Variants in ANLN observed in about 807,000 individuals in gnomAD.
The protein encoded by ANLN is anillin, actin binding protein.
Under a neutral mutation model 135.1 loss-of-function variants are expected in ANLN, and 59 were observed. That is an observed-to-expected ratio of 0.44 (90% CI 0.35 to 0.54). ANLN has a LOEUF of 0.54. Ranked by LOEUF, ANLN falls within the 20% of genes least tolerant of loss-of-function variation. ANLN has a pLI of 0.00. For synonymous variants in ANLN, 406 were observed against 456.4 expected (o/e 0.89, Z 1.41); for missense variants, 1,182 against 1,340.0 (o/e 0.88, Z 1.84).
Position 36,399,115 on chromosome 7 carries a change from G to A in ANLN, c.209G>A (p.Arg70His), listed in dbSNP as rs761828754. Residue 70 changes from arginine to histidine, a missense_variant, in exon 3 of 24, where the codon CGC becomes CAC. By Grantham distance (29) the Arg-to-His change is conservative. Coordinates refer to ENST00000265748, the MANE Select transcript of ANLN (RefSeq NM_018685.5). ...SCTKPSPSKK[R>H]CSDNTEVEVS... is the part of the protein sequence containing the mutation. ...ACAAAACCATCGCCATCAAAAAAAC[G>A]CTGTTCTGACAACACTGAAGTAGAA... is the stretch of plus-strand genomic sequence containing the variant. The A allele has an allele frequency of 1.1e-5, 18 of 1,611,720 alleles. No individual in the cohort carries two copies. The highest frequency in any genetic ancestry group is 3.3e-5 in the Admixed American group (2 of 59,730).
Position 36,421,868 on chromosome 7 carries a change from C to T in ANLN, c.2175C>T (p.Asn725=), listed in dbSNP as rs771084776. 1.4e-5 allele frequency: 23 copies of T among 1,604,868 alleles called. No homozygotes were observed. Among genetic ancestry groups the T allele is most frequent in the African/African-American group, 2.7e-5 (2 of 74,406 alleles). The change falls in exon 13 of 24, where the codon AAC becomes AAT. Residue 725 remains asparagine, a synonymous_variant. Transcript: ENST00000265748. ...NIKQKMQELN[N]EINMQQTVIY... ...ATTGGTTTTCCTAGGAACTCAATAACGAAATAAATATGCAACAGACAGTGA... is the reference window on the plus strand; with the variant it reads ...ATTGGTTTTCCTAGGAACTCAATAATGAAATAAATATGCAACAGACAGTGA...
intron 4 of ANLN, 146 bp downstream of exon 4, chr7:36,406,712 C>T (rs754716172): frequency 4.9e-5 from 41 of 840,636 alleles, no homozygotes; most frequent in Non-Finnish European, 6.1e-5. Context: ...TGTAAGATAT[C>T]GGTTTCTTAG....
At chr7:36,422,556 A>G in intron 13 of ANLN, 77 bp from the exon 14 acceptor site, 1 of 1,268,544 alleles carries the variant, frequency 7.9e-7, no homozygotes, top group Non-Finnish European at 1.1e-6. Context: ...TTTCCATATC[A>G]GTACACTTTT....
intron 5 of ANLN, among the ~76,000 whole-genome samples, chr7:36,408,753 T>C (rs1008833818): frequency 4.6e-5 from 7 of 152,214 alleles, no homozygotes; most frequent in African/African-American, 1.7e-4. Flanking sequence ...GTGTATATTG[T>C]GTGTGAGCAT....
intron 19 of ANLN, among the ~76,000 whole-genome samples, chr7:36,426,257 C>T (rs1385123294): frequency 6.6e-6 from 1 of 152,168 alleles, no homozygotes; most frequent in African/African-American, 2.4e-5. Flanking sequence ...CACCAGTCAT[C>T]ATGTTATTCA....
chr7:36,417,078 A>C lies in ANLN; in HGVS notation c.1523-2A>C. The C allele has an allele frequency of 6.5e-7, 1 of 1,544,634 alleles. No individual in the cohort carries two copies. The highest frequency in any genetic ancestry group is 8.9e-7 in the Non-Finnish European group (1 of 1,129,356). On this transcript the variant is annotated splice_acceptor_variant, in intron 8 of 23. Transcript: ENST00000265748. LOFTEE classifies it high-confidence loss of function. The stretch of plus-strand genomic sequence containing the variant: ...AATATGGTCTTTCTTAAACATTTTT[A>C]GGTTTCACTGAATGCGAAATGACGA...
At chr7:36,396,648 G>A (rs1583590830) in intron 2 of ANLN, among the ~76,000 whole-genome samples, 1 of 151,998 alleles carries the variant, frequency 6.6e-6, no homozygotes, top group East Asian at 1.9e-4. Context: ...TTAATTGATT[G>A]AACTTTATTT....
Position 36,421,848 on chromosome 7 carries a change from T to G in ANLN, c.2164-9T>G. The G allele has an allele frequency of 6.3e-7, 1 of 1,590,494 alleles. No individual in the cohort carries two copies. Among genetic ancestry groups the G allele is most frequent in the South Asian group, 1.2e-5 (1 of 85,764 alleles). ...TGTATATTTTTTCTCCTCTCATTGG[T>G]TTTCCTAGGAACTCAATAACGAAAT... On this transcript the variant is annotated splice_polypyrimidine_tract_variant and intron_variant, in intron 12 of 23. Coordinates refer to ENST00000265748, the MANE Select transcript of ANLN (RefSeq NM_018685.5).
At chr7:36,397,634 C>A (rs1177302184) in intron 2 of ANLN, among the ~76,000 whole-genome samples, 1 of 152,084 alleles carries the variant, frequency 6.6e-6, no homozygotes, top group Admixed American at 6.5e-5. Flanking sequence ...AAAAAAGAGC[C>A]AAGTGTAGTG....
chr7:36,422,385 G>A (rs2116671336), intron 13 of ANLN, among the ~76,000 whole-genome samples: 1 of 152,112 alleles, frequency 6.6e-6, no homozygotes, highest in East Asian at 1.9e-4. Context: ...TGATGATGGG[G>A]CATTTTGGGG....
chr7:36,417,220 CT>C (rs781707986), intron 9 of ANLN, 30 bp downstream of exon 9: 1 of 1,214,434 alleles, frequency 8.2e-7, no homozygotes, highest in Non-Finnish European at 1.2e-6. Flanking sequence ...TTATTATTAA[CT>C]TTGCACATAC....
Position 36,399,055 on chromosome 7 carries a change from C to CT in ANLN, c.173-18dup, listed in dbSNP as rs745891770. ...TGTGAGAAATTACAAATTTGAATGT[C>CT]TTTTTTCATCGTTTTTAATGTAGAG... On this transcript the variant is annotated intron_variant, in intron 2 of 23. Coordinates refer to ENST00000265748, the MANE Select transcript of ANLN (RefSeq NM_018685.5). 2.6e-6 allele frequency: 4 copies of CT among 1,562,488 alleles called. No homozygotes were observed. In the South Asian group the frequency reaches 3.6e-5, roughly 14 times the overall value.
rs1238671871 is a variant in ANLN, at chr7:36,453,289, T to C, written c.*689T>C. 2.0e-5 allele frequency: 3 copies of C among 152,242 alleles called. No individual in the cohort carries two copies. The highest frequency in any genetic ancestry group is 4.4e-5 in the Non-Finnish European group (3 of 68,044). The allele number at this position is 152,242 out of a possible 1,614,324, so 9.4% of individuals were successfully genotyped here. On this transcript the variant is annotated 3_prime_UTR_variant, in exon 24 of 24. Transcript: ENST00000265748. Reference sequence around the variant, plus strand: ...AGTGTGGTGCACATTTTCACAGAATTCTGGCTTCATTAAGATCATTATTTT... The same window carrying C: ...AGTGTGGTGCACATTTTCACAGAATCCTGGCTTCATTAAGATCATTATTTT...
intron 11 of ANLN, 127 bp from the exon 12 acceptor site, chr7:36,420,470 C>A: frequency 8.0e-7 from 1 of 1,254,088 alleles, no homozygotes; most frequent in Non-Finnish European, 1.1e-6. Flanking sequence ...AATGAGAGTT[C>A]CATTCTGTTG....
At chr7:36,410,759 G>C in intron 6 of ANLN, 55 bp downstream of exon 6, 2 of 1,515,130 alleles carry the variant, frequency 1.3e-6, no homozygotes, top group Non-Finnish European at 1.8e-6. Flanking sequence ...ATAGAACCTA[G>C]AAATCAAAAT....
Position 36,424,041 on chromosome 7 carries a change from G to A in ANLN, c.2603+98G>A, listed in dbSNP as rs151311664. The A allele has an allele frequency of 8.8e-5, 108 of 1,226,568 alleles. 1 individual carries two copies. The East Asian group carries it at 2.0e-3, about 23-fold the overall frequency. The allele number at this position is 1,226,568 out of a possible 1,614,324, so 76.0% of individuals were successfully genotyped here. On this transcript the variant is annotated intron_variant, in intron 15 of 23. Coordinates refer to ENST00000265748, the MANE Select transcript of ANLN (RefSeq NM_018685.5). ...AGGTGGCATTTATAATCTTTGAAACGCCTTATGCACATTCTTTTTATATTG... is the reference window on the plus strand; with the variant it reads ...AGGTGGCATTTATAATCTTTGAAACACCTTATGCACATTCTTTTTATATTG...
At chr7:36,447,125 C>G (rs1453587323) in intron 22 of ANLN, among the ~76,000 whole-genome samples, 1 of 152,116 alleles carries the variant, frequency 6.6e-6, no homozygotes, top group Non-Finnish European at 1.5e-5. Context: ...TAAGCACTTA[C>G]CATTTACTGT....
At chr7:36,427,049 A>C (rs757840876) in intron 20 of ANLN, 21 bp downstream of exon 20, 1 of 1,502,316 alleles carries the variant, frequency 6.7e-7, no homozygotes. Context: ...TTTATTTCTA[A>C]GGGTGTGGTG....
At chr7:36,397,022 C>T (rs1786732798) in intron 2 of ANLN, among the ~76,000 whole-genome samples, 1 of 152,118 alleles carries the variant, frequency 6.6e-6, no homozygotes, top group African/African-American at 2.4e-5. Context: ...ATCAGACAGC[C>T]TCCTTAGTCT....
Sources: allele counts gnomAD v4.1 joint callset (sites outside exome capture counted in the v4.1 genomes callset), GRCh38; gene constraint gnomAD v4.1.1; transcripts MANE v1.5; gene names NCBI Gene and HGNC (gene_info 2026-07-23, HGNC 2026-07-21).